MFAP1: variants seen among roughly 807,000 people sequenced by gnomAD.
MFAP1 encodes microfibril associated protein 1, also known as microfibrillar-associated protein 1.
Under a neutral mutation model 62.2 loss-of-function variants are expected in MFAP1, and 18 were observed. The observed-to-expected ratio is 0.29, with a 90% CI of 0.20 to 0.43. The LOEUF (loss-of-function observed/expected upper bound fraction) is 0.43, where lower values mean the gene tolerates loss of function less well. Among genes scored for constraint, MFAP1 ranks in the 20% least tolerant of loss-of-function variants. MFAP1 has a pLI of 1.00. For missense variants in MFAP1, 355 were observed against 559.7 expected (o/e 0.63, Z 3.69); for synonymous variants, 175 against 180.4 (o/e 0.97, Z 0.24).
Position 43,817,296 on chromosome 15 carries a change from C to T in MFAP1, c.232G>A (p.Glu78Lys). Residue 78 changes from glutamate (E) to lysine (K), a missense_variant, in exon 2 of 9, where the codon GAG becomes AAG. Glu to Lys is a moderately conservative substitution (Grantham distance 56, BLOSUM62 1). This residue lies in a region of MFAP1 where 257 missense variants were observed against 341.3 expected (regional missense o/e 0.75). Transcript: ENST00000267812. ...AGCCGGGGGTCACTGGATGAATCCT[C>T]CTCCTGTTCCTCAGGCTCTGCTTCT... ...EQEAEPEEQEEDSSSDPRLRR... is the reference protein window; with the variant it reads ...EQEAEPEEQEKDSSSDPRLRR... 1 of 1,614,108 alleles carries T rather than the reference C, an allele frequency of 6.2e-7. No homozygotes were observed. Among genetic ancestry groups the T allele is most frequent in the Non-Finnish European group, 8.5e-7 (1 of 1,180,024 alleles).
chr15:43,820,733 G>T (rs766747444), intron 1 of MFAP1, among the ~76,000 whole-genome samples: 1 of 152,202 alleles, frequency 6.6e-6, no homozygotes, highest in Non-Finnish European at 1.5e-5. Flanking sequence ...AGCCTCCCAA[G>T]TAGCTGGGAC....
At chr15:43,812,613 G>A (rs1169352229) in intron 6 of MFAP1, among the ~76,000 whole-genome samples, 1 of 152,194 alleles carries the variant, frequency 6.6e-6, no homozygotes, top group Non-Finnish European at 1.5e-5. Context: ...GGTGAAATCA[G>A]TAGAGGAACT....
intron 7 of MFAP1, among the ~76,000 whole-genome samples, chr15:43,805,802 C>T (rs1026217084): frequency 1.3e-5 from 2 of 151,942 alleles, no homozygotes; most frequent in African/African-American, 4.8e-5. Flanking sequence ...TTAATAGAGA[C>T]GGAGTTTCAC....
intron 3 of MFAP1, 86 bp downstream of exon 3, chr15:43,814,859 C>T: frequency 1.3e-6 from 2 of 1,563,030 alleles, no homozygotes; most frequent in Non-Finnish European, 1.7e-6. Context: ...GCAGTGATCT[C>T]ATGTTTTTAA....
rs920691277 is a variant in MFAP1, at chr15:43,805,946, C to CTTT, written c.1048-484_1048-482dup. ...TTCTTTTTCCTTTGTTGTATTTCTC[C>CTTT]TTTTTTTTTTTTTTTTTCCCTGAGA... is the stretch of plus-strand genomic sequence containing the variant. On this transcript the variant is annotated intron_variant, in intron 7 of 8. Coordinates refer to ENST00000267812, the MANE Select transcript of MFAP1 (RefSeq NM_005926.3). Among the ~76,000 whole-genome samples, 549 of 136,902 alleles carry CTTT rather than the reference C, an allele frequency of 4.0e-3. 1 individual carries two copies. Among genetic ancestry groups the CTTT allele is most frequent in the Non-Finnish European group, 7.1e-3 (448 of 63,510 alleles). 89.8% of individuals were successfully genotyped at this position (136,902 alleles called of 152,430 possible). A position where few individuals can be genotyped will look rare whatever the true frequency, so the allele number is the denominator to read the frequency against.
chr15:43,808,142 C>T (rs1239024962), intron 7 of MFAP1, among the ~76,000 whole-genome samples: 6 of 152,184 alleles, frequency 3.9e-5, no homozygotes, highest in Admixed American at 3.9e-4. Context: ...TGCTGTGATA[C>T]ATATTTATAA....
chr15:43,819,601 G>A (rs1034432587), intron 1 of MFAP1, among the ~76,000 whole-genome samples: 8 of 152,112 alleles, frequency 5.3e-5, no homozygotes, highest in East Asian at 3.9e-4. Flanking sequence ...CATGATCTCC[G>A]CTCACTGCAA....
intron 6 of MFAP1, among the ~76,000 whole-genome samples, chr15:43,811,129 T>C (rs2087397987): frequency 6.7e-6 from 1 of 149,050 alleles, no homozygotes; most frequent in Non-Finnish European, 1.5e-5. Flanking sequence ...AACTACAGGC[T>C]GAGGGCCAGG....
At chr15:43,824,468 G>C in intron 1 of MFAP1, 23 bp downstream of exon 1, 2 of 1,613,086 alleles carry the variant, frequency 1.2e-6, no homozygotes, top group Non-Finnish European at 1.7e-6. Flanking sequence ...AATTCGACTG[G>C]GAAGAGGGTG....
chr15:43,812,966 T>C (rs1000671894), intron 6 of MFAP1, 21 bp downstream of exon 6: 29 of 1,613,222 alleles, frequency 1.8e-5, no homozygotes, highest in African/African-American at 2.7e-5. Flanking sequence ...GCATTAACTC[T>C]AGGCTCATCT....
At chr15:43,814,286 T>G (rs1258333043) in intron 4 of MFAP1, among the ~76,000 whole-genome samples, 1 of 152,124 alleles carries the variant, frequency 6.6e-6, no homozygotes, top group African/African-American at 2.4e-5. Context: ...AGATATATGC[T>G]CTATTACTGA....
intron 1 of MFAP1, among the ~76,000 whole-genome samples, chr15:43,823,379 T>A (rs1370561511): frequency 6.7e-6 from 1 of 150,042 alleles, no homozygotes; most frequent in Non-Finnish European, 1.5e-5. Context: ...TTGCAGAACT[T>A]TCTTTTTTTT....
intron 7 of MFAP1, 145 bp from the exon 8 acceptor site, chr15:43,805,610 G>A (rs1207090112): frequency 1.3e-5 from 8 of 636,180 alleles, no homozygotes; most frequent in Non-Finnish European, 1.8e-5. Flanking sequence ...TTGAAGAGAT[G>A]ACATTCTTTT....
At chr15:43,811,600 C>T (rs1333123628) in intron 6 of MFAP1, among the ~76,000 whole-genome samples, 3 of 151,026 alleles carry the variant, frequency 2.0e-5, no homozygotes, top group African/African-American at 4.9e-5. Context: ...CTCTGCCTGC[C>T]GGGTTCAAGC....
At chr15:43,821,584 T>C (rs663214) in intron 1 of MFAP1, among the ~76,000 whole-genome samples, 1 of 151,934 alleles carries the variant, frequency 6.6e-6, no homozygotes, top group Non-Finnish European at 1.5e-5. Context: ...GCATTAAAAA[T>C]CAGTAGAAAA....
intron 1 of MFAP1, among the ~76,000 whole-genome samples, chr15:43,821,945 G>A (rs1235240742): frequency 6.6e-6 from 1 of 151,958 alleles, no homozygotes. Flanking sequence ...AGAAACGTGT[G>A]TAAGAGAAGA....
intron 6 of MFAP1, 184 bp from the exon 7 acceptor site, chr15:43,810,098 G>A (rs540102959): frequency 4.7e-6 from 3 of 639,678 alleles, no homozygotes; most frequent in East Asian, 5.5e-5. Flanking sequence ...CATTATGTTT[G>A]CTAGACTAGG....
At chr15:43,822,183 AGAGT>A (rs2087470672) in intron 1 of MFAP1, among the ~76,000 whole-genome samples, 1 of 146,752 alleles carries the variant, frequency 6.8e-6, no homozygotes, top group Non-Finnish European at 1.5e-5. Flanking sequence ...TTGGTCAACA[AGAGT>A]GAAACTCTTT....
In MFAP1 at chr15:43,809,875, G is replaced by C. The variant is rs986575536; in HGVS notation, c.927C>G (p.Asn309Lys). The C allele has an allele frequency of 5.0e-6, 8 of 1,614,004 alleles. No individual in the cohort carries two copies. The highest frequency in any genetic ancestry group is 5.9e-6 in the Non-Finnish European group (7 of 1,180,022). ...KEKAEIERMRNLTEEERRAEL... is the reference protein window; with the variant it reads ...KEKAEIERMRKLTEEERRAEL... ...CAGCTCTCCTCTCTTCCTCAGTCAG[G>C]TTTCGCATGCGTTCAATTTCTGCTT... Residue 309 changes from asparagine (N) to lysine (K), a missense_variant, in exon 7 of 9, where the codon AAC (asparagine) becomes AAG (lysine). Physicochemically the swap from Asn to Lys is moderately conservative, Grantham distance 94. Transcript: ENST00000267812.
Sources: allele counts gnomAD v4.1 joint callset (sites outside exome capture counted in the v4.1 genomes callset), GRCh38; gene constraint gnomAD v4.1.1; regional missense constraint gnomAD v4.1.1; transcripts MANE v1.5; gene names NCBI Gene and HGNC (gene_info 2026-07-23, HGNC 2026-07-21).